The following DGKH variants were observed in gnomAD, a reference collection of about 807,000 sequenced individuals.
The protein encoded by DGKH is diacylglycerol kinase eta, also known as DAG kinase eta.
A neutral mutation model predicts 159.3 loss-of-function variants in DGKH; 90 were observed. The ratio of observed to expected loss-of-function variants is 0.57; its 90% confidence interval spans 0.48 to 0.67. The LOEUF is 0.67. Among genes scored for constraint, DGKH ranks in the 30% least tolerant of loss-of-function variants. The probability of loss-of-function intolerance (pLI) is 0.00; values close to 1 mark genes in which losing one functional copy is unlikely to be tolerated. For missense variants in DGKH, 1,181 were observed against 1,506.1 expected, an observed-to-expected ratio of 0.78 and a Z score of 3.57; for synonymous variants, 536 against 553.8, an observed-to-expected ratio of 0.97 and a Z score of 0.45.
intron 1 of DGKH, among the ~76,000 whole-genome samples, chr13:42,049,787 G>A (rs1024418178): frequency 1.3e-5 from 2 of 152,202 alleles, no homozygotes; most frequent in African/African-American, 2.4e-5. Flanking sequence ...CGACCTGTGA[G>A]GTCTCAAAGT....
chr13:42,181,865 C>CCGGGGTGCAGGTCTCATTGG (rs1566165954), intron 13 of DGKH: 1,117 of 34,270 alleles, frequency 0.033, 197 homozygotes, highest in Middle Eastern at 0.047. Context: ...CTGGTGCTGG[C>CCGGGGTGCAGGTCTCATTGG]AGCTGAGCTG....
chr13:42,120,592 C>T (rs529733547), intron 1 of DGKH, among the ~76,000 whole-genome samples: 2 of 152,194 alleles, frequency 1.3e-5, no homozygotes, highest in East Asian at 3.9e-4. Context: ...ATTAAGCTAA[C>T]TGAAGACAAA....
intron 1 of DGKH, among the ~76,000 whole-genome samples, chr13:42,104,898 G>A (rs1594033161): frequency 6.6e-6 from 1 of 151,892 alleles, no homozygotes. Context: ...TAATAGTAAA[G>A]CAATATTACT....
chr13:42,042,883 ACTT>A (rs776262454), intron 1 of DGKH, among the ~76,000 whole-genome samples: 1 of 152,222 alleles, frequency 6.6e-6, no homozygotes, highest in Non-Finnish European at 1.5e-5. Flanking sequence ...TTTTCATTTA[ACTT>A]CTTAAAAAAG....
At chr13:42,128,916 T>A (rs1955228725) in intron 2 of DGKH, among the ~76,000 whole-genome samples, 1 of 152,190 alleles carries the variant, frequency 6.6e-6, no homozygotes, top group Non-Finnish European at 1.5e-5. Flanking sequence ...TGCACCGTTA[T>A]CCCTGCCTTG....
chr13:42,112,284 CT>C (rs58307947), intron 1 of DGKH, among the ~76,000 whole-genome samples: 116 of 122,788 alleles, frequency 9.4e-4, no homozygotes, highest in East Asian at 3.5e-3. Context: ...AGCCTTGTGG[CT>C]TTTTTTTTTT....
chr13:42,055,769 A>G (rs1380081734), intron 1 of DGKH, among the ~76,000 whole-genome samples: 1 of 152,234 alleles, frequency 6.6e-6, no homozygotes, highest in Non-Finnish European at 1.5e-5. Flanking sequence ...AGGCCATAAC[A>G]TGTTAGTACA....
At chr13:42,209,115 G>A in intron 22 of DGKH, 43 bp downstream of exon 22, 2 of 1,559,100 alleles carry the variant, frequency 1.3e-6, no homozygotes. Context: ...CTTGGGCTAA[G>A]GAGGGTTGAA....
intron 30 of DGKH, among the ~76,000 whole-genome samples, chr13:42,253,812 C>T (rs1958637132): frequency 6.6e-6 from 1 of 152,190 alleles, no homozygotes; most frequent in Non-Finnish European, 1.5e-5. Flanking sequence ...TACAAATCTG[C>T]ACCGTTCAAT....
chr13:42,230,222 T>G lies in DGKH; in HGVS notation c.*1034T>G, dbSNP rs1958252303. On this transcript the variant is annotated 3_prime_UTR_variant, in exon 30 of 30. Coordinates refer to ENST00000337343, the MANE Select transcript of DGKH (RefSeq NM_178009.5). ...AAAGTGTTGATATCCAGGAATTCCC[T>G]GAGGTGTCAACTGAGATTTATATAC... The G allele has an allele frequency of 6.6e-6, 1 of 152,114 alleles. No homozygotes were observed. Among genetic ancestry groups the G allele is most frequent in the Non-Finnish European group, 1.5e-5 (1 of 68,006 alleles). 9.4% of individuals were successfully genotyped at this position (152,114 alleles called of 1,614,324 possible).
At chr13:42,059,562 A>T (rs985781001) in intron 1 of DGKH, among the ~76,000 whole-genome samples, 6 of 152,056 alleles carry the variant, frequency 3.9e-5, no homozygotes, top group Non-Finnish European at 7.4e-5. Context: ...CAAGTGTCTT[A>T]TGAAAAAATA....
intron 3 of DGKH, among the ~76,000 whole-genome samples, chr13:42,153,308 T>C (rs1955963457): frequency 6.6e-6 from 1 of 152,212 alleles, no homozygotes; most frequent in Non-Finnish European, 1.5e-5. Flanking sequence ...TCACAATGAC[T>C]TTACAAGACA....
At chr13:42,054,643 A>T (rs1327893882) in intron 1 of DGKH, among the ~76,000 whole-genome samples, 2 of 152,214 alleles carry the variant, frequency 1.3e-5, no homozygotes, top group Non-Finnish European at 2.9e-5. Flanking sequence ...ATAAGTTCTT[A>T]TTCTGGAGAA....
intron 26 of DGKH, 75 bp from the exon 27 acceptor site, chr13:42,219,155 G>A (rs1380898795): frequency 1.9e-6 from 3 of 1,574,896 alleles, no homozygotes; most frequent in Non-Finnish European, 2.6e-6. Flanking sequence ...CACTGTCAAA[G>A]TACAATGATT....
At chr13:42,094,428 T>A (rs954031750) in intron 1 of DGKH, among the ~76,000 whole-genome samples, 2 of 152,182 alleles carry the variant, frequency 1.3e-5, no homozygotes, top group African/African-American at 4.8e-5. Flanking sequence ...TAAATTAGAG[T>A]TGGGCTTGGG....
At chr13:42,224,130 G>A (rs1353860848) in intron 29 of DGKH, among the ~76,000 whole-genome samples, 1 of 151,966 alleles carries the variant, frequency 6.6e-6, no homozygotes, top group Non-Finnish European at 1.5e-5. Flanking sequence ...GTATATATGT[G>A]CCACATTTTC....
intron 28 of DGKH, among the ~76,000 whole-genome samples, chr13:42,220,420 G>A (rs1199469322): frequency 2.6e-5 from 4 of 152,082 alleles, no homozygotes; most frequent in Non-Finnish European, 5.9e-5. Flanking sequence ...GAGTTTAAAT[G>A]TACAGGTATG....
At chr13:42,136,854 A>G (rs939142609) in intron 3 of DGKH, among the ~76,000 whole-genome samples, 1 of 152,200 alleles carries the variant, frequency 6.6e-6, no homozygotes, top group Non-Finnish European at 1.5e-5. Flanking sequence ...CCCTTTCCAC[A>G]GCAGATGTGA....
intron 24 of DGKH, 100 bp from the exon 25 acceptor site, chr13:42,214,407 T>C: frequency 1.8e-6 from 2 of 1,106,450 alleles, no homozygotes; most frequent in South Asian, 1.7e-5. Flanking sequence ...CTGATCTTCA[T>C]ATATTTTTTA....
Sources: gnomAD v4.1 joint callset for allele counts (sites outside exome capture counted in the v4.1 genomes callset) on GRCh38, gnomAD v4.1.1 for gene constraint, MANE v1.5 for transcripts, NCBI Gene and HGNC (gene_info 2026-07-23, HGNC 2026-07-21) for gene names.